The following MAGI2 variants were observed in gnomAD, a reference collection of about 807,000 sequenced individuals.
The protein encoded by MAGI2 is membrane associated guanylate kinase, WW and PDZ domain containing 2.
Under a neutral mutation model 133.3 loss-of-function variants are expected in MAGI2, and 35 were observed. The observed-to-expected ratio is 0.26, with a 90% CI of 0.20 to 0.35. MAGI2 has a LOEUF of 0.35. Among genes scored for constraint, MAGI2 ranks in the 10% least tolerant of loss-of-function variants. MAGI2 has a pLI of 1.00. For synonymous variants in MAGI2, 729 were observed against 710.6 expected (o/e 1.03, Z -0.41); for missense variants, 1,636 against 1,863.4 (o/e 0.88, Z 2.25).
rs147439177 is a variant in MAGI2 at position 79,251,668 on chromosome 7, T to C, written c.301+201352A>G. On this transcript the variant is annotated intron_variant, in intron 1 of 21. Coordinates refer to ENST00000354212, the MANE Select transcript of MAGI2 (RefSeq NM_012301.4). The stretch of plus-strand genomic sequence containing the variant: ...AAATTAATACAATCACTATAGAGAA[T>C]AGTTTGGAGGTTCATCAAAAAACTA... 3.4e-3 allele frequency among the ~76,000 whole-genome samples: 520 copies of C among 152,232 alleles called. 2 individuals are homozygous for C. The highest frequency in any genetic ancestry group is 0.012 in the African/African-American group (485 of 41,544).
chr7:79,052,806 A>G lies in MAGI2; in HGVS notation c.302-45600T>C, dbSNP rs188966620. Among the ~76,000 whole-genome samples, 5 of 152,298 alleles carry G rather than the reference A, an allele frequency of 3.3e-5. No individual in the cohort carries two copies. In the East Asian group the frequency reaches 9.7e-4, roughly 29 times the overall value. The stretch of plus-strand genomic sequence containing the variant: ...TGAAGGCACATAATGAAAATATAGC[A>G]CATGATTAATACCTGGTCTAAGGGT... On this transcript the variant is annotated intron_variant, in intron 1 of 21. Transcript: ENST00000354212.
chr7:79,112,713 T>C (rs2129544029), intron 1 of MAGI2, among the ~76,000 whole-genome samples: 1 of 152,302 alleles, frequency 6.6e-6, no homozygotes, highest in African/African-American at 2.4e-5. Context: ...TTTTTGTACT[T>C]GTCAGCCCAC....
intron 3 of MAGI2, among the ~76,000 whole-genome samples, chr7:78,614,161 G>C (rs990921210): frequency 6.6e-6 from 1 of 151,538 alleles, no homozygotes; most frequent in Non-Finnish European, 1.5e-5. Flanking sequence ...GGGCCTTTCA[G>C]GGAAATCAAC....
chr7:79,052,778 A>G (rs1172347364), intron 1 of MAGI2, among the ~76,000 whole-genome samples: 1 of 152,128 alleles, frequency 6.6e-6, no homozygotes, highest in African/African-American at 2.4e-5. Context: ...TCTTCTTATA[A>G]CTTGAAGGCA....
At chr7:78,759,157 T>C (rs1482166079) in intron 2 of MAGI2, among the ~76,000 whole-genome samples, 1 of 152,094 alleles carries the variant, frequency 6.6e-6, no homozygotes, top group African/African-American at 2.4e-5. Context: ...GCGATTAATG[T>C]CAATAAAATA....
intron 2 of MAGI2, among the ~76,000 whole-genome samples, chr7:78,800,106 T>C (rs1372003539): frequency 6.6e-6 from 1 of 152,148 alleles, no homozygotes; most frequent in African/African-American, 2.4e-5. Flanking sequence ...TACCACTATT[T>C]AGTTTCCAAA....
At chr7:79,299,113 A>C (rs1469587882) in intron 1 of MAGI2, among the ~76,000 whole-genome samples, 1 of 152,150 alleles carries the variant, frequency 6.6e-6, no homozygotes, top group African/African-American at 2.4e-5. Context: ...GTAATAAGGC[A>C]ATGTGATGGG....
chr7:78,638,788 T>G (rs1463585116), intron 2 of MAGI2, among the ~76,000 whole-genome samples: 1 of 152,244 alleles, frequency 6.6e-6, no homozygotes, highest in Non-Finnish European at 1.5e-5. Context: ...TAATTTATTT[T>G]TGAACTTCTG....
chr7:78,278,555 T>G (rs1425232250), intron 9 of MAGI2, among the ~76,000 whole-genome samples: 2 of 152,170 alleles, frequency 1.3e-5, no homozygotes, highest in African/African-American at 4.8e-5. Context: ...TTGGCTAGAC[T>G]GTAGTCCCAA....
rs1160592834 is a variant in MAGI2, at chr7:78,132,817, C to T, written c.3203+72G>A. ...AGTCTCTCTCTCTGCCTGTCCTGTG[C>T]TGTCCCCAAATACTCCCTCCTTTCC... On this transcript the variant is annotated intron_variant, in intron 18 of 21. Transcript: ENST00000354212. 7.5e-6 allele frequency: 12 copies of T among 1,605,876 alleles called. No homozygotes were observed. The African/African-American group carries it at 1.5e-4, about 20-fold the overall frequency.
chr7:79,278,338 G>C (rs1395084247), intron 1 of MAGI2, among the ~76,000 whole-genome samples: 7 of 152,126 alleles, frequency 4.6e-5, no homozygotes. Context: ...AGCTTGCAGA[G>C]CTGTGAGCCA....
chr7:78,244,167 TAAAAAAA>T (rs535442682), intron 10 of MAGI2, among the ~76,000 whole-genome samples: 1,415 of 68,870 alleles, frequency 0.021, 9 homozygotes, highest in African/African-American at 0.03. Context: ...CTATTTAAAT[TAAAAAAA>T]AAAAAAAAAA....
intron 1 of MAGI2, among the ~76,000 whole-genome samples, chr7:79,205,672 A>G (rs1585198389): frequency 1.3e-5 from 2 of 152,070 alleles, no homozygotes; most frequent in African/African-American, 4.8e-5. Flanking sequence ...ATAATTTATT[A>G]AAGGATAGAC....
At chr7:78,793,118 C>A (rs547939025) in intron 2 of MAGI2, among the ~76,000 whole-genome samples, 158 of 152,296 alleles carry the variant, frequency 1.0e-3, no homozygotes, top group African/African-American at 3.5e-3. Flanking sequence ...TTTGCACATC[C>A]TTTCTTTTTC....
intron 1 of MAGI2, among the ~76,000 whole-genome samples, chr7:79,278,115 A>T (rs1210501751): frequency 2.0e-5 from 3 of 152,062 alleles, no homozygotes; most frequent in African/African-American, 7.2e-5. Flanking sequence ...ATCCCTCATG[A>T]ATGACTTTGC....
chr7:78,714,956 T>C (rs1819561329), intron 2 of MAGI2, among the ~76,000 whole-genome samples: 1 of 152,234 alleles, frequency 6.6e-6, no homozygotes, highest in Non-Finnish European at 1.5e-5. Context: ...ACTAAAGCGC[T>C]AGAGTTTTCA....
chr7:78,587,962 A>G (rs1200133637), intron 3 of MAGI2, among the ~76,000 whole-genome samples: 2 of 152,244 alleles, frequency 1.3e-5, no homozygotes, highest in African/African-American at 4.8e-5. Flanking sequence ...CAGAAAGCAT[A>G]GTGAAGTGTC....
At chr7:78,553,070 T>C (rs372969683) in intron 3 of MAGI2, among the ~76,000 whole-genome samples, 1 of 149,348 alleles carries the variant, frequency 6.7e-6, no homozygotes, top group African/African-American at 2.5e-5. Context: ...AATTCAGAAG[T>C]TGCCTGTAAA....
At chr7:78,351,821 T>C (rs1791547686) in intron 7 of MAGI2, 1 of 152,136 alleles carries the variant, frequency 6.6e-6, no homozygotes, top group African/African-American at 2.4e-5. Flanking sequence ...AACAACTTCA[T>C]GCTTTGGAAA....
Sources: gnomAD v4.1 joint callset for allele counts (sites outside exome capture counted in the v4.1 genomes callset) on GRCh38, gnomAD v4.1.1 for gene constraint, MANE v1.5 for transcripts, NCBI Gene and HGNC (gene_info 2026-07-23, HGNC 2026-07-21) for gene names.